Variants in BRINP3 observed in about 807,000 individuals in gnomAD.
The protein encoded by BRINP3 is BMP/retinoic acid inducible neural specific 3.
Under a neutral mutation model 71.0 loss-of-function variants are expected in BRINP3, and 19 were observed. That is an observed-to-expected ratio of 0.27 (90% CI 0.19 to 0.39). BRINP3 has a LOEUF of 0.39. Among genes scored for constraint, BRINP3 ranks in the 10% least tolerant of loss-of-function variants. The probability of loss-of-function intolerance (pLI) is 1.00; values close to 1 mark genes in which losing one functional copy is unlikely to be tolerated. For missense variants in BRINP3, 959 were observed against 940.8 expected, an observed-to-expected ratio of 1.02 and a Z score of -0.25; for synonymous variants, 380 against 337.7, an observed-to-expected ratio of 1.13 and a Z score of -1.37.
At chr1:190,462,906 TGA>T (rs1457471626) in intron 1 of BRINP3, among the ~76,000 whole-genome samples, 3 of 152,154 alleles carry the variant, frequency 2.0e-5, no homozygotes, top group Admixed American at 1.3e-4. Flanking sequence ...GCAAGTGTTC[TGA>T]GTAACTACAT....
At chr1:190,335,882 C>T (rs1667253914) in intron 2 of BRINP3, among the ~76,000 whole-genome samples, 1 of 152,030 alleles carries the variant, frequency 6.6e-6, no homozygotes, top group Non-Finnish European at 1.5e-5. Context: ...ATAGTGTAAC[C>T]TATTATAAAA....
chr1:190,377,740 TG>T (rs1670274839), intron 2 of BRINP3, among the ~76,000 whole-genome samples: 1 of 151,422 alleles, frequency 6.6e-6, no homozygotes, highest in Non-Finnish European at 1.5e-5. Flanking sequence ...ACAGTAGCAA[TG>T]AAAAATCTGA....
At chr1:190,364,149 G>T (rs1669335208) in intron 2 of BRINP3, among the ~76,000 whole-genome samples, 1 of 151,978 alleles carries the variant, frequency 6.6e-6, no homozygotes, top group Non-Finnish European at 1.5e-5. Context: ...ACTGATTCTG[G>T]GAAAGTAATC....
intron 6 of BRINP3, among the ~76,000 whole-genome samples, chr1:190,206,143 CACTGCTTTA>C (rs1387441373): frequency 6.6e-6 from 1 of 151,966 alleles, no homozygotes; most frequent in East Asian, 1.9e-4. Flanking sequence ...ACTTGGGGTT[CACTGCTTTA>C]CTACATGACT....
intron 3 of BRINP3, among the ~76,000 whole-genome samples, chr1:190,271,365 T>G (rs1251283213): frequency 1.3e-5 from 2 of 151,666 alleles, no homozygotes; most frequent in African/African-American, 2.4e-5. Context: ...TATGGAACAT[T>G]AGCATAGTAA....
chr1:190,378,448 C>G (rs1670317925), intron 2 of BRINP3, among the ~76,000 whole-genome samples: 1 of 152,104 alleles, frequency 6.6e-6, no homozygotes, highest in Admixed American at 6.6e-5. Flanking sequence ...AAGACTTTTG[C>G]CCTGGGTTGT....
At chr1:190,421,277 T>C (rs1673359639) in intron 2 of BRINP3, among the ~76,000 whole-genome samples, 1 of 145,038 alleles carries the variant, frequency 6.9e-6, no homozygotes, top group Non-Finnish European at 1.5e-5. Flanking sequence ...TGAAGGACAT[T>C]TGAACAAGAT....
chr1:190,400,503 C>CA (rs1195039399), intron 2 of BRINP3, among the ~76,000 whole-genome samples: 1 of 152,068 alleles, frequency 6.6e-6, no homozygotes, highest in Non-Finnish European at 1.5e-5. Flanking sequence ...CCGGTTGTTT[C>CA]AAAAAACTAT....
At chr1:190,252,363 G>C (rs1190396675) in intron 4 of BRINP3, among the ~76,000 whole-genome samples, 1 of 152,048 alleles carries the variant, frequency 6.6e-6, no homozygotes, top group East Asian at 1.9e-4. Context: ...GATAGCAACT[G>C]TGTGTTGTTA....
chr1:190,420,855 C>A (rs1369586286), intron 2 of BRINP3, among the ~76,000 whole-genome samples: 1 of 151,742 alleles, frequency 6.6e-6, no homozygotes. Context: ...TAGAAAAAGA[C>A]AATGTTTCCA....
At chr1:190,175,613 T>G (rs2102514014) in intron 6 of BRINP3, among the ~76,000 whole-genome samples, 1 of 152,278 alleles carries the variant, frequency 6.6e-6, no homozygotes, top group South Asian at 2.1e-4. Context: ...GAAATGATTC[T>G]TAATATATTA....
At chr1:190,456,726 C>T (rs1676017074) in intron 1 of BRINP3, among the ~76,000 whole-genome samples, 1 of 151,710 alleles carries the variant, frequency 6.6e-6, no homozygotes, top group Admixed American at 6.6e-5. Context: ...TTTTATTTTG[C>T]TTATCATATA....
chr1:190,116,673 A>G (rs1653160110), intron 7 of BRINP3, among the ~76,000 whole-genome samples: 1 of 152,014 alleles, frequency 6.6e-6, no homozygotes, highest in African/African-American at 2.4e-5. Context: ...TTCCTAATAG[A>G]TTTTCTGATC....
Position 190,297,236 on chromosome 1 carries a change from C to A in BRINP3, c.237-15486G>T, listed in dbSNP as rs111387134. Among the ~76,000 whole-genome samples the A allele has an allele frequency of 3.3e-3, 497 of 151,970 alleles. 5 individuals carry two copies. The highest frequency in any genetic ancestry group is 0.011 in the African/African-American group (468 of 41,472). Reference sequence around the variant, plus strand: ...ATAGAGAGGCCAGAATAAACCTATTCATATATGGTTATCTAATTTTTGACA... The same window carrying A: ...ATAGAGAGGCCAGAATAAACCTATTAATATATGGTTATCTAATTTTTGACA... On this transcript the variant is annotated intron_variant, in intron 2 of 7. Coordinates refer to ENST00000367462, the MANE Select transcript of BRINP3 (RefSeq NM_199051.3).
At chr1:190,256,953 C>A (rs1036941628) in intron 4 of BRINP3, among the ~76,000 whole-genome samples, 12 of 152,082 alleles carry the variant, frequency 7.9e-5, no homozygotes, top group Admixed American at 3.9e-4. Context: ...GTGAATCTGA[C>A]AATTATGTGT....
rs978487460 is a variant in BRINP3, at chr1:190,424,243, T to C, written c.236+30412A>G. Among the ~76,000 whole-genome samples the C allele has an allele frequency of 5.3e-5, 8 of 151,794 alleles. No homozygotes were observed. In the South Asian group the frequency reaches 1.7e-3, roughly 31 times the overall value. ...TATTACTTCAGTATTTTCTGGAATG[T>C]GTTGTTATATAGTCAAATTATTGAG... On this transcript the variant is annotated intron_variant, in intron 2 of 7. Coordinates refer to ENST00000367462, the MANE Select transcript of BRINP3 (RefSeq NM_199051.3).
chr1:190,100,405 A>G (rs956825209), intron 7 of BRINP3, among the ~76,000 whole-genome samples: 4 of 152,098 alleles, frequency 2.6e-5, no homozygotes, highest in African/African-American at 9.7e-5. Context: ...TATAATACCC[A>G]TTTGCCAAAA....
At chr1:190,154,153 T>G (rs1656663551) in intron 7 of BRINP3, 1 of 739,790 alleles carries the variant, frequency 1.4e-6, no homozygotes, top group South Asian at 6.2e-5. Context: ...TCTTCTTCCC[T>G]TAAGAACCAA....
chr1:190,195,115 T>C (rs987051015), intron 6 of BRINP3, among the ~76,000 whole-genome samples: 4 of 152,040 alleles, frequency 2.6e-5, no homozygotes, highest in African/African-American at 9.7e-5. Context: ...CATAAGAGCA[T>C]TAGATGTATT....
Sources: gnomAD v4.1 joint callset for allele counts (sites outside exome capture counted in the v4.1 genomes callset) on GRCh38, gnomAD v4.1.1 for gene constraint, MANE v1.5 for transcripts, NCBI Gene and HGNC (gene_info 2026-07-23, HGNC 2026-07-21) for gene names.